Variants in MARCHF1 observed in about 807,000 individuals in gnomAD.
MARCHF1 encodes the protein membrane associated ring-CH-type finger 1, also known as E3 ubiquitin-protein ligase MARCHF1.
MARCHF1 carries 40 observed loss-of-function variants against 54.2 expected under a neutral mutation model. The ratio of observed to expected loss-of-function variants is 0.74; its 90% CI spans 0.57 to 0.96. The LOEUF is 0.96. Ranked by LOEUF, MARCHF1 falls within the 40% of genes least tolerant of loss-of-function variation. MARCHF1 has a pLI of 0.00. For synonymous variants in MARCHF1, 236 were observed against 236.3 expected, an observed-to-expected ratio of 1.00 and a Z score of 0.01; for missense variants, 586 against 656.5, an observed-to-expected ratio of 0.89 and a Z score of 1.17.
chr4:164,209,011 A>C (rs1731691588), intron 1 of MARCHF1, among the ~76,000 whole-genome samples: 1 of 150,110 alleles, frequency 6.7e-6, no homozygotes, highest in Non-Finnish European at 1.5e-5. Flanking sequence ...ATATATACAC[A>C]CATACATATT....
At chr4:163,795,261 C>T (rs747742296) in intron 4 of MARCHF1, among the ~76,000 whole-genome samples, 2 of 152,108 alleles carry the variant, frequency 1.3e-5, no homozygotes, top group African/African-American at 2.4e-5. Context: ...TGAAGTCTCA[C>T]TCTTGTTGCC....
intron 1 of MARCHF1, among the ~76,000 whole-genome samples, chr4:164,201,652 T>C (rs966927427): frequency 2.6e-5 from 4 of 152,092 alleles, no homozygotes; most frequent in Admixed American, 6.6e-5. Context: ...TGTTAACAAA[T>C]TGCATATGAG....
At chr4:164,146,896 A>G in intron 1 of MARCHF1, among the ~76,000 whole-genome samples, 1 of 150,238 alleles carries the variant, frequency 6.7e-6, no homozygotes, top group Admixed American at 6.6e-5. Context: ...AACCTACAAA[A>G]TGGGAGAAAA....
At chr4:163,695,271 G>A (rs1353790673) in intron 5 of MARCHF1, among the ~76,000 whole-genome samples, 1 of 152,148 alleles carries the variant, frequency 6.6e-6, no homozygotes, top group African/African-American at 2.4e-5. Context: ...AAAATATGGA[G>A]AGATGAAGAT....
chr4:163,578,727 T>G (rs1218231190), intron 8 of MARCHF1, among the ~76,000 whole-genome samples: 1 of 152,212 alleles, frequency 6.6e-6, no homozygotes. Flanking sequence ...TTGAATTGCC[T>G]GTACCATTTC....
At chr4:164,350,285 G>T (rs1178432695) in intron 1 of MARCHF1, among the ~76,000 whole-genome samples, 5 of 152,070 alleles carry the variant, frequency 3.3e-5, no homozygotes, top group African/African-American at 4.8e-5. Context: ...TTACTCATAT[G>T]TAAGAGCCAA....
intron 1 of MARCHF1, among the ~76,000 whole-genome samples, chr4:164,309,585 A>G (rs76404152): frequency 2.6e-5 from 4 of 152,222 alleles, no homozygotes; most frequent in Non-Finnish European, 5.9e-5. Flanking sequence ...TCACTGAAAG[A>G]TGACTTCTAC....
At chr4:164,281,525 G>T (rs1028834492) in intron 1 of MARCHF1, among the ~76,000 whole-genome samples, 1 of 152,048 alleles carries the variant, frequency 6.6e-6, no homozygotes, top group Non-Finnish European at 1.5e-5. Context: ...AAACAGAGGT[G>T]GCTGGAACGA....
At chr4:164,165,362 G>GTCTCTCTCTCTCTCTCTC (rs55721102) in intron 1 of MARCHF1, among the ~76,000 whole-genome samples, 220 of 148,746 alleles carry the variant, frequency 1.5e-3, no homozygotes, top group Admixed American at 4.0e-3. Context: ...TTTTCTCTCT[G>GTCTCTCTCTCTCTCTCTC]TCTCTCTCTC....
intron 3 of MARCHF1, among the ~76,000 whole-genome samples, chr4:163,912,467 G>A (rs1270393838): frequency 6.6e-6 from 1 of 152,188 alleles, no homozygotes; most frequent in African/African-American, 2.4e-5. Context: ...GGACACTTGA[G>A]ATTGCCTTTA....
intron 4 of MARCHF1, among the ~76,000 whole-genome samples, chr4:163,772,446 G>A (rs1176636650): frequency 6.6e-6 from 1 of 152,198 alleles, no homozygotes; most frequent in Admixed American, 6.5e-5. Flanking sequence ...GATGAAACAA[G>A]CTGTCAGCTA....
At chr4:164,037,408 A>T (rs970561025) in intron 2 of MARCHF1, among the ~76,000 whole-genome samples, 1 of 152,218 alleles carries the variant, frequency 6.6e-6, no homozygotes, top group Non-Finnish European at 1.5e-5. Flanking sequence ...TATTACAAAA[A>T]TGAAAAAGTG....
At chr4:163,949,022 A>G (rs1037649734) in intron 3 of MARCHF1, among the ~76,000 whole-genome samples, 6 of 152,176 alleles carry the variant, frequency 3.9e-5, no homozygotes, top group Non-Finnish European at 5.9e-5. Context: ...TCTGTGGCCA[A>G]TGGCACCTTT....
chr4:163,679,878 G>A (rs957896886), intron 5 of MARCHF1, among the ~76,000 whole-genome samples: 4 of 152,004 alleles, frequency 2.6e-5, no homozygotes, highest in Non-Finnish European at 5.9e-5. Flanking sequence ...GGGATTACAG[G>A]GGTGAGCCAC....
chr4:164,087,133 C>T (rs984091660), intron 2 of MARCHF1, among the ~76,000 whole-genome samples: 2 of 152,018 alleles, frequency 1.3e-5, no homozygotes, highest in African/African-American at 4.8e-5. Context: ...ATTCAACCTA[C>T]TGAATTTTGA....
At chr4:163,549,566 A>T (rs1337233214) in intron 8 of MARCHF1, among the ~76,000 whole-genome samples, 1 of 152,202 alleles carries the variant, frequency 6.6e-6, no homozygotes, top group Admixed American at 6.5e-5. Flanking sequence ...AGCTAAGATT[A>T]GGCAAAAGTA....
intron 1 of MARCHF1, among the ~76,000 whole-genome samples, chr4:164,148,142 A>AACAC (rs10573891): frequency 0.078 from 11,483 of 147,736 alleles, 471 homozygotes; most frequent in Middle Eastern, 0.13. Flanking sequence ...TTAAAAAAAT[A>AACAC]ACACACACAC....
intron 2 of MARCHF1, among the ~76,000 whole-genome samples, chr4:164,070,595 GA>G (rs1754841530): frequency 6.6e-6 from 1 of 152,140 alleles, no homozygotes; most frequent in Non-Finnish European, 1.5e-5. Context: ...CTTTCCCTCT[GA>G]AAAGTATCCC....
chr4:163,985,320 A>G (rs933586105), intron 3 of MARCHF1, among the ~76,000 whole-genome samples: 4 of 152,186 alleles, frequency 2.6e-5, no homozygotes, highest in Non-Finnish European at 5.9e-5. Context: ...ATAAACCTAC[A>G]TCCCTTCTCT....
Sources: allele counts gnomAD v4.1 joint callset (sites outside exome capture counted in the v4.1 genomes callset), GRCh38; gene constraint gnomAD v4.1.1; transcripts MANE v1.5; gene names NCBI Gene and HGNC (gene_info 2026-07-23, HGNC 2026-07-21).